Variants in METTL15 observed in about 807,000 individuals in gnomAD.
METTL15 encodes the protein methyltransferase 15, mitochondrial 12S rRNA N4-cytidine, also known as 12S rRNA N(4)-cytidine methyltransferase METTL15.
In METTL15, 34 loss-of-function variants were observed where a neutral mutation model predicts 38.3. The observed-to-expected ratio is 0.89, with a 90% confidence interval of 0.68 to 1.18. The LOEUF is 1.18. METTL15 is among the 50% of genes most tolerant of loss of function. The pLI is 0.00. For missense variants in METTL15, 438 were observed against 498.4 expected (o/e 0.88, Z 1.15); for synonymous variants, 162 against 170.9 (o/e 0.95, Z 0.41).
intron 6 of METTL15, among the ~76,000 whole-genome samples, chr11:28,525,720 G>T (rs760904493): frequency 1.3e-5 from 2 of 152,274 alleles, no homozygotes; most frequent in Non-Finnish European, 2.9e-5. Context: ...AGATTCAGAA[G>T]CCCAGCTGGC....
At chr11:28,259,954 C>G (rs1484282535) in intron 4 of METTL15, among the ~76,000 whole-genome samples, 1 of 152,186 alleles carries the variant, frequency 6.6e-6, no homozygotes, top group Non-Finnish European at 1.5e-5. Flanking sequence ...CTCTTCCTCA[C>G]CAATACTTCT....
At chr11:28,154,806 T>C (rs1440057013) in intron 3 of METTL15, among the ~76,000 whole-genome samples, 1 of 152,162 alleles carries the variant, frequency 6.6e-6, no homozygotes, top group Non-Finnish European at 1.5e-5. Context: ...AAATCCCTCT[T>C]ACACAGGGTC....
chr11:28,438,691 T>G (rs1438489965), intron 6 of METTL15, among the ~76,000 whole-genome samples: 1 of 147,678 alleles, frequency 6.8e-6, no homozygotes, highest in Non-Finnish European at 1.5e-5. Flanking sequence ...TTTTTTTTTT[T>G]GGAGACAGAG....
At chr11:28,350,072 T>C (rs907611057) in intron 3 of METTL15, among the ~76,000 whole-genome samples, 3 of 152,210 alleles carry the variant, frequency 2.0e-5, no homozygotes, top group Non-Finnish European at 4.4e-5. Flanking sequence ...GCCTTTCCTC[T>C]CTACTCTTTC....
chr11:28,219,796 T>G (rs1853102670), intron 4 of METTL15, among the ~76,000 whole-genome samples: 1 of 152,230 alleles, frequency 6.6e-6, no homozygotes, highest in Non-Finnish European at 1.5e-5. Context: ...ACATCTTTAT[T>G]TCTGCCTTCA....
chr11:28,525,967 G>A (rs942192251), intron 6 of METTL15, among the ~76,000 whole-genome samples: 8 of 152,192 alleles, frequency 5.3e-5, no homozygotes, highest in African/African-American at 1.4e-4. Context: ...GCTAAGGCCC[G>A]GCGAGAAATT....
At chr11:28,462,390 G>A (rs1851223398) in intron 6 of METTL15, among the ~76,000 whole-genome samples, 1 of 151,696 alleles carries the variant, frequency 6.6e-6, no homozygotes, top group Admixed American at 6.6e-5. Flanking sequence ...TAATGTATCA[G>A]TTAGAATTCT....
chr11:28,457,921 G>A (rs1210538018), intron 6 of METTL15, among the ~76,000 whole-genome samples: 1 of 152,216 alleles, frequency 6.6e-6, no homozygotes, highest in African/African-American at 2.4e-5. Context: ...TTGTGACTAA[G>A]TATGTCAATT....
chr11:28,130,709 T>C (rs1247908320), intron 3 of METTL15, among the ~76,000 whole-genome samples: 1 of 152,212 alleles, frequency 6.6e-6, no homozygotes, highest in Non-Finnish European at 1.5e-5. Flanking sequence ...TTATTCTGTT[T>C]ATAAGTACAA....
At chr11:28,338,075 CT>C (rs112039826), downstream of METTL15, among the ~76,000 whole-genome samples, 553 of 142,190 alleles carry the variant, frequency 3.9e-3, no homozygotes, top group Middle Eastern at 0.014. Context: ...ATCTTTGCTT[CT>C]TTTTTTTTTT....
intron 4 of METTL15, among the ~76,000 whole-genome samples, chr11:28,352,461 A>T (rs1266571451): frequency 6.6e-6 from 1 of 152,220 alleles, no homozygotes; most frequent in Non-Finnish European, 1.5e-5. Flanking sequence ...CACTCAAGGA[A>T]CAGCAAAGGC....
intron 6 of METTL15, among the ~76,000 whole-genome samples, chr11:28,494,349 G>A (rs376470395): frequency 9.1e-4 from 139 of 152,250 alleles, no homozygotes; most frequent in African/African-American, 1.6e-3. Flanking sequence ...TGCTAAAAAA[G>A]TTTCAAAACC....
intron 3 of METTL15, among the ~76,000 whole-genome samples, chr11:28,122,688 A>G (rs1852304484): frequency 6.6e-6 from 1 of 151,726 alleles, no homozygotes; most frequent in South Asian, 2.1e-4. Context: ...AAAATTTGGC[A>G]TTCATGAAAA....
At chr11:28,229,498 G>A (rs1386842976) in intron 4 of METTL15, among the ~76,000 whole-genome samples, 1 of 151,880 alleles carries the variant, frequency 6.6e-6, no homozygotes, top group Non-Finnish European at 1.5e-5. Context: ...AAACCTAATA[G>A]TATTAAGAAA....
downstream of METTL15, among the ~76,000 whole-genome samples, chr11:28,338,135 C>T (rs537836494): frequency 3.3e-5 from 5 of 151,534 alleles, no homozygotes; most frequent in African/African-American, 1.2e-4. Flanking sequence ...CTTGCAACTG[C>T]AGTCTTTAAG....
intron 6 of METTL15, among the ~76,000 whole-genome samples, chr11:28,478,502 A>G (rs1851366494): frequency 6.6e-6 from 1 of 152,172 alleles, no homozygotes; most frequent in South Asian, 2.1e-4. Flanking sequence ...TATTGTTTGT[A>G]TCTACTAAAT....
intron 3 of METTL15, chr11:28,164,197 C>G (rs1195864852): frequency 6.6e-6 from 1 of 151,988 alleles, no homozygotes; most frequent in Non-Finnish European, 1.5e-5. Flanking sequence ...TGCAGAAGCT[C>G]ACACACGTAA....
chr11:28,142,242 T>TATAG (rs1849724384), intron 3 of METTL15, among the ~76,000 whole-genome samples: 1 of 152,190 alleles, frequency 6.6e-6, no homozygotes, highest in African/African-American at 2.4e-5. Context: ...AGATTGGTTT[T>TATAG]ATAGATAGAA....
intron 5 of METTL15, among the ~76,000 whole-genome samples, chr11:28,401,776 G>A (rs775727123): frequency 6.6e-6 from 1 of 151,904 alleles, no homozygotes; most frequent in African/African-American, 2.4e-5. Context: ...TAATTCATAA[G>A]TTCTTGAGGC....
Sources: gnomAD v4.1 joint callset for allele counts (sites outside exome capture counted in the v4.1 genomes callset) on GRCh38, gnomAD v4.1.1 for gene constraint, MANE v1.5 for transcripts, NCBI Gene and HGNC (gene_info 2026-07-23, HGNC 2026-07-21) for gene names.